Variants in RAPGEF2 observed in about 807,000 individuals in gnomAD.
RAPGEF2 encodes Rap guanine nucleotide exchange factor 2.
A neutral mutation model predicts 186.7 loss-of-function variants in RAPGEF2; 54 were observed. The observed-to-expected ratio is 0.29, with a 90% CI of 0.23 to 0.36. RAPGEF2 has a LOEUF of 0.36. Ranked by LOEUF, RAPGEF2 falls within the 10% of genes least tolerant of loss-of-function variation. RAPGEF2 has a pLI of 1.00. For missense variants in RAPGEF2, 1,532 were observed against 2,045.0 expected (o/e 0.75, Z 4.84); for synonymous variants, 712 against 705.9 (o/e 1.01, Z -0.14).
intron 4 of RAPGEF2, among the ~76,000 whole-genome samples, chr4:159,214,111 AT>A (rs1750784321): frequency 6.6e-6 from 1 of 152,226 alleles, no homozygotes; most frequent in Admixed American, 6.5e-5. Context: ...ATCAAAGGTA[AT>A]TTAAGAATGG....
intron 25 of RAPGEF2, 21 bp downstream of exon 25, chr4:159,347,019 C>CTT (rs746437589): frequency 8.8e-6 from 14 of 1,593,226 alleles, no homozygotes; most frequent in Non-Finnish European, 1.1e-5. Context: ...ACATTCATTT[C>CTT]TTTTTTTGGT....
intron 1 of RAPGEF2, among the ~76,000 whole-genome samples, chr4:159,142,715 T>G (rs142500129): frequency 1.1e-4 from 16 of 152,316 alleles, no homozygotes; most frequent in Admixed American, 3.9e-4. Context: ...AATGCAATGG[T>G]TTTTTAAAAA....
chr4:159,271,297 GT>G (rs1758101633), intron 7 of RAPGEF2, among the ~76,000 whole-genome samples: 1 of 152,072 alleles, frequency 6.6e-6, no homozygotes, highest in African/African-American at 2.4e-5. Context: ...TGATAACATG[GT>G]TTTAAATTTT....
At chr4:159,281,023 G>A (rs751106538) in intron 7 of RAPGEF2, among the ~76,000 whole-genome samples, 36 of 147,014 alleles carry the variant, frequency 2.4e-4, no homozygotes, top group Non-Finnish European at 1.8e-4. Flanking sequence ...GTCTCGGTCT[G>A]TCTCCAGGCT....
intron 7 of RAPGEF2, among the ~76,000 whole-genome samples, chr4:159,301,065 G>A (rs974326079): frequency 6.6e-6 from 1 of 152,128 alleles, no homozygotes; most frequent in East Asian, 1.9e-4. Flanking sequence ...TGACTGATGT[G>A]TATTGTCAAT....
In RAPGEF2 at chr4:159,341,670, G is replaced by C; in HGVS notation, c.2641G>C (p.Glu881Gln). ...TTCCCTCCTTCAGCTCAGCACTGTG[G>C]AAGTTGCAACACAGCTCTCTATGCG... Reference protein sequence around the residue: ...QISLLQLSTVEVATQLSMRNF... With the variant: ...QISLLQLSTVQVATQLSMRNF... The change falls in exon 20 of 30, where the codon GAA becomes CAA. Residue 881 changes from glutamate (E) to glutamine (Q), a missense_variant. Physicochemically the swap from Glu to Gln is conservative, Grantham distance 29. Around this residue, in one of 4 missense-constraint regions of RAPGEF2, gnomAD observed 810 missense variants for 1,210.5 expected, o/e 0.67. Transcript: ENST00000691494. 6.2e-7 allele frequency: 1 copy of C among 1,614,086 alleles called. No homozygotes were observed. The highest frequency in any genetic ancestry group is 8.5e-7 in the Non-Finnish European group (1 of 1,179,956).
At chr4:159,215,985 T>C (rs1750961334) in intron 4 of RAPGEF2, among the ~76,000 whole-genome samples, 1 of 152,118 alleles carries the variant, frequency 6.6e-6, no homozygotes, top group Non-Finnish European at 1.5e-5. Context: ...ATACTACAAG[T>C]GTGTTAAGAA....
chr4:159,256,214 T>A (rs1216110061), intron 7 of RAPGEF2, among the ~76,000 whole-genome samples: 1 of 152,230 alleles, frequency 6.6e-6, no homozygotes, highest in Non-Finnish European at 1.5e-5. Context: ...TGTATCCTGA[T>A]GTTCTTCCCA....
In RAPGEF2 at chr4:159,227,343, A is replaced by G. The variant is rs78372612; in HGVS notation, c.282-11466A>G. Among the ~76,000 whole-genome samples, 64 of 152,334 alleles carry G rather than the reference A, an allele frequency of 4.2e-4. 1 individual carries two copies. The East Asian group carries it at 0.01, about 24-fold the overall frequency. Reference sequence around the variant, plus strand: ...TTATTTTGCTTCTTGAATGAATTTTATAAAAAATAAGGTCATTTGAAGATA... The same window carrying G: ...TTATTTTGCTTCTTGAATGAATTTTGTAAAAAATAAGGTCATTTGAAGATA... On this transcript the variant is annotated intron_variant, in intron 4 of 29. Coordinates refer to ENST00000691494, the MANE Select transcript of RAPGEF2 (RefSeq NM_001394067.2).
chr4:159,140,446 ATATTAC>A (rs1391955700), intron 1 of RAPGEF2, among the ~76,000 whole-genome samples: 16 of 152,212 alleles, frequency 1.1e-4, no homozygotes, highest in African/African-American at 3.6e-4. Context: ...AATTCCAATG[ATATTAC>A]TGTTTCTTAA....
chr4:159,129,596 AT>A (rs1443319218), intron 1 of RAPGEF2, among the ~76,000 whole-genome samples: 2 of 152,230 alleles, frequency 1.3e-5, no homozygotes, highest in Non-Finnish European at 2.9e-5. Flanking sequence ...GGATTAAGTA[AT>A]TTGCTTAAGA....
intron 1 of RAPGEF2, among the ~76,000 whole-genome samples, chr4:159,184,533 A>G (rs1430984697): frequency 6.6e-6 from 1 of 152,194 alleles, no homozygotes; most frequent in Non-Finnish European, 1.5e-5. Context: ...GGCTGCCTAA[A>G]TGTCTTCTTT....
At chr4:159,270,302 G>A (rs191545403) in intron 7 of RAPGEF2, among the ~76,000 whole-genome samples, 1 of 152,268 alleles carries the variant, frequency 6.6e-6, no homozygotes, top group East Asian at 1.9e-4. Flanking sequence ...TAAGAAAATA[G>A]TTACTCAGGC....
chr4:159,153,010 G>A (rs60006831), intron 1 of RAPGEF2, among the ~76,000 whole-genome samples: 6,326 of 152,242 alleles, frequency 0.042, 461 homozygotes, highest in African/African-American at 0.14. Flanking sequence ...TAGTTAGTAA[G>A]TGTTTAAATA....
At chr4:159,126,838 C>T (rs1339650141) in intron 1 of RAPGEF2, among the ~76,000 whole-genome samples, 2 of 152,086 alleles carry the variant, frequency 1.3e-5, no homozygotes, top group Non-Finnish European at 2.9e-5. Context: ...AACCCGAGTC[C>T]TCATTTCTCA....
chr4:159,133,924 G>A (rs1472290348), intron 1 of RAPGEF2, among the ~76,000 whole-genome samples: 1 of 151,784 alleles, frequency 6.6e-6, no homozygotes, highest in East Asian at 1.9e-4. Flanking sequence ...TCACCATGTT[G>A]GCCAGGCTGG....
chr4:159,177,095 T>TA lies in RAPGEF2; in HGVS notation c.70-9546dup, dbSNP rs553899951. Among the ~76,000 whole-genome samples, 255 of 152,296 alleles carry TA rather than the reference T, an allele frequency of 1.7e-3. 2 individuals are homozygous for TA. The highest frequency in any genetic ancestry group is 5.8e-3 in the African/African-American group (241 of 41,558). ...ACCAATGTCATTTGGAAAGTATATTTATAACAGATGTGATAAAATATATGT... is the reference window on the plus strand; with the variant it reads ...ACCAATGTCATTTGGAAAGTATATTTAATAACAGATGTGATAAAATATATGT... On this transcript the variant is annotated intron_variant, in intron 1 of 29. Transcript: ENST00000691494.
Position 159,271,181 on chromosome 4 carries a change from A to G in RAPGEF2, c.543+27390A>G, listed in dbSNP as rs143410067. On this transcript the variant is annotated intron_variant, in intron 7 of 29. Transcript: ENST00000691494. ...TTTAAAGTGGAGCTCTTCTCTCCCCATCTTGCCCAGCTCAGATGCCTTTGA... is the reference window on the plus strand; with the variant it reads ...TTTAAAGTGGAGCTCTTCTCTCCCCGTCTTGCCCAGCTCAGATGCCTTTGA... Among the ~76,000 whole-genome samples, 1,372 of 152,278 alleles carry G rather than the reference A, an allele frequency of 9.0e-3. 17 individuals are homozygous for G. The highest frequency in any genetic ancestry group is 0.03 in the African/African-American group (1,252 of 41,552).
Position 159,229,935 on chromosome 4 carries a change from C to G in RAPGEF2, c.282-8874C>G, listed in dbSNP as rs1752450399. 2.0e-5 allele frequency among the ~76,000 whole-genome samples: 3 copies of G among 152,022 alleles called. No homozygotes were observed. The South Asian group carries it at 6.2e-4, about 31-fold the overall frequency. ...TTCTTTTTTGATATGGCAGAGAACT[C>G]AAAGATTGACCAGAAGTGAACCTGC... On this transcript the variant is annotated intron_variant, in intron 4 of 29. Coordinates refer to ENST00000691494, the MANE Select transcript of RAPGEF2 (RefSeq NM_001394067.2).
Sources: allele counts gnomAD v4.1 joint callset (sites outside exome capture counted in the v4.1 genomes callset), GRCh38; gene constraint gnomAD v4.1.1; regional missense constraint gnomAD v4.1.1; transcripts MANE v1.5; gene names NCBI Gene and HGNC (gene_info 2026-07-23, HGNC 2026-07-21).